AGBL1: variants seen among roughly 807,000 people sequenced by gnomAD.
AGBL1 encodes the protein AGBL carboxypeptidase 1, also known as cytosolic carboxypeptidase 4.
Under a neutral mutation model 118.9 loss-of-function variants are expected in AGBL1, and 130 were observed. That is an observed-to-expected ratio of 1.09 (90% CI 0.95 to 1.26). The LOEUF (loss-of-function observed/expected upper bound fraction) is 1.26. Ranked by LOEUF, AGBL1 falls within the 50% of genes most tolerant of loss-of-function variation. The pLI, the probability that AGBL1 is intolerant of heterozygous loss-of-function variation, is 0.00. For missense variants in AGBL1, 1,584 were observed against 1,298.1 expected (o/e 1.22, Z -3.38); for synonymous variants, 555 against 478.9 (o/e 1.16, Z -2.08).
At chr15:86,183,538 T>C (rs948418139) in intron 5 of AGBL1, among the ~76,000 whole-genome samples, 2 of 152,090 alleles carry the variant, frequency 1.3e-5, no homozygotes, top group African/African-American at 2.4e-5. Context: ...AGTTTTTTCC[T>C]CAAATTTAAA....
intron 21 of AGBL1, among the ~76,000 whole-genome samples, chr15:86,588,022 C>A (rs959098855): frequency 1.1e-4 from 17 of 152,140 alleles, no homozygotes; most frequent in Admixed American, 8.5e-4. Context: ...TTACTAATAA[C>A]TAACATATCT....
intron 23 of AGBL1, among the ~76,000 whole-genome samples, chr15:86,931,617 G>C (rs975929482): frequency 8.4e-6 from 1 of 118,756 alleles, no homozygotes; most frequent in South Asian, 2.8e-4. Context: ...GCTGCTGCTG[G>C]TTGTTGTATT....
chr15:86,525,194 G>C (rs1470341283), intron 19 of AGBL1, among the ~76,000 whole-genome samples: 1 of 151,414 alleles, frequency 6.6e-6, no homozygotes. Context: ...TAACAAGGAA[G>C]GTAAAAGATC....
At chr15:86,113,249 T>A (rs1348403037) in intron 1 of AGBL1, among the ~76,000 whole-genome samples, 19 of 78,480 alleles carry the variant, frequency 2.4e-4, no homozygotes, top group Non-Finnish European at 5.0e-5. Flanking sequence ...TTTCTTTTCT[T>A]TTCTTTTCTT....
At chr15:86,854,702 G>C (rs1346249454) in intron 22 of AGBL1, among the ~76,000 whole-genome samples, 1 of 152,084 alleles carries the variant, frequency 6.6e-6, no homozygotes, top group Non-Finnish European at 1.5e-5. Flanking sequence ...ATTGATAAAT[G>C]TTCACTGAAA....
intron 15 of AGBL1, among the ~76,000 whole-genome samples, chr15:86,271,915 T>C (rs1400017072): frequency 3.3e-5 from 5 of 152,232 alleles, no homozygotes; most frequent in African/African-American, 1.2e-4. Context: ...TACCTTTTGA[T>C]TGGCTGAAAG....
At chr15:86,593,088 A>T (rs763962377) in intron 21 of AGBL1, among the ~76,000 whole-genome samples, 6 of 152,124 alleles carry the variant, frequency 3.9e-5, no homozygotes, top group Admixed American at 6.5e-5. Flanking sequence ...TCAATGGGTT[A>T]TAGTCTACCA....
At chr15:86,963,062 A>C (rs532866969) in intron 23 of AGBL1, among the ~76,000 whole-genome samples, 2 of 152,144 alleles carry the variant, frequency 1.3e-5, no homozygotes, top group Non-Finnish European at 2.9e-5. Flanking sequence ...TTAAAATATC[A>C]TGTAAGCCTT....
chr15:86,821,500 G>A (rs150648281), intron 22 of AGBL1, among the ~76,000 whole-genome samples: 3 of 152,188 alleles, frequency 2.0e-5, no homozygotes, highest in Admixed American at 6.5e-5. Context: ...TGGAATACAA[G>A]ACCAAGTTTT....
intron 24 of AGBL1, among the ~76,000 whole-genome samples, chr15:87,023,685 G>GT (rs1277962123): frequency 6.6e-6 from 1 of 151,708 alleles, no homozygotes; most frequent in African/African-American, 2.4e-5. Context: ...AATATACATT[G>GT]TATTAAACAG....
intron 18 of AGBL1, among the ~76,000 whole-genome samples, chr15:86,402,986 G>A (rs535680158): frequency 1.6e-4 from 25 of 152,228 alleles, no homozygotes; most frequent in African/African-American, 3.6e-4. Flanking sequence ...CTGATCCAGC[G>A]GTTTCTTGAC....
chr15:86,877,101 G>T (rs2079820832), intron 22 of AGBL1, among the ~76,000 whole-genome samples: 1 of 152,064 alleles, frequency 6.6e-6, no homozygotes, highest in African/African-American at 2.4e-5. Context: ...TAGGGTATAT[G>T]GGTCAATTAT....
At chr15:87,025,114 T>C (rs2081712424) in intron 24 of AGBL1, among the ~76,000 whole-genome samples, 1 of 152,046 alleles carries the variant, frequency 6.6e-6, no homozygotes. Flanking sequence ...AACTTAGTAC[T>C]GGACATCCTA....
At chr15:86,814,989 G>A (rs1461657435) in intron 22 of AGBL1, among the ~76,000 whole-genome samples, 2 of 152,002 alleles carry the variant, frequency 1.3e-5, no homozygotes, top group African/African-American at 4.8e-5. Context: ...TTGTGTCCCT[G>A]TGTAATTTAC....
chr15:86,582,463 A>G (rs368554026), intron 21 of AGBL1, among the ~76,000 whole-genome samples: 2 of 152,278 alleles, frequency 1.3e-5, no homozygotes, highest in East Asian at 3.9e-4. Flanking sequence ...GTGATTCCTC[A>G]GGGATCTAGA....
chr15:87,018,285 C>A (rs1031669823), intron 24 of AGBL1, among the ~76,000 whole-genome samples: 2 of 152,114 alleles, frequency 1.3e-5, no homozygotes, highest in Middle Eastern at 3.4e-3. Context: ...GATGCTCCCC[C>A]AGAAGATCAA....
At position 86,903,373 on chromosome 15, in the gene AGBL1, T is replaced by C. The variant is rs2080238316; in HGVS notation, c.3159-3714T>C. ...TTATTCTTCTTTATTTTCCCTACCT[T>C]TTTTTCTGGGATGTTCTATTTCTTT... On this transcript the variant is annotated intron_variant, in intron 22 of 22. Coordinates refer to ENST00000614907, the MANE Select transcript of AGBL1 (RefSeq NM_001386094.1). Among the ~76,000 whole-genome samples the C allele has an allele frequency of 2.0e-5, 3 of 152,168 alleles. No individual in the cohort carries two copies. The South Asian group carries it at 6.2e-4, about 31-fold the overall frequency.
At chr15:86,878,031 C>T (rs1041417831) in intron 22 of AGBL1, among the ~76,000 whole-genome samples, 4 of 152,168 alleles carry the variant, frequency 2.6e-5, no homozygotes, top group East Asian at 1.9e-4. Flanking sequence ...GTGTAAACTG[C>T]GTCTGTTCTG....
chr15:86,806,090 T>G (rs1297475480), intron 22 of AGBL1, among the ~76,000 whole-genome samples: 3 of 152,104 alleles, frequency 2.0e-5, no homozygotes, highest in Non-Finnish European at 4.4e-5. Context: ...GATTGGAGAC[T>G]GGAAGGAAGG....
Sources: allele counts gnomAD v4.1 joint callset (sites outside exome capture counted in the v4.1 genomes callset), GRCh38; gene constraint gnomAD v4.1.1; transcripts MANE v1.5; gene names NCBI Gene and HGNC (gene_info 2026-07-23, HGNC 2026-07-21).